Variants in FHIT observed in about 807,000 individuals in gnomAD.
The protein encoded by FHIT is bis(5'-adenosyl)-triphosphatase.
In FHIT, 19 loss-of-function variants were observed where a neutral mutation model predicts 17.9. The observed-to-expected ratio is 1.06, with a 90% CI of 0.74 to 1.56. The LOEUF (loss-of-function observed/expected upper bound fraction) is 1.56. Ranked by LOEUF, FHIT falls within the 40% of genes most tolerant of loss-of-function variation. The probability of loss-of-function intolerance (pLI) is 0.00; values close to 1 mark genes in which losing one functional copy is unlikely to be tolerated. For missense variants in FHIT, 248 were observed against 189.2 expected (o/e 1.31, Z -1.82); for synonymous variants, 81 against 69.7 (o/e 1.16, Z -0.81).
chr3:61,129,623 A>G (rs2036708514), intron 2 of FHIT, among the ~76,000 whole-genome samples: 1 of 152,186 alleles, frequency 6.6e-6, no homozygotes, highest in Non-Finnish European at 1.5e-5. Flanking sequence ...ACAAAATACA[A>G]ATTCAAAGCA....
intron 5 of FHIT, among the ~76,000 whole-genome samples, chr3:60,440,887 T>A (rs1042792708): frequency 6.6e-6 from 1 of 152,128 alleles, no homozygotes; most frequent in African/African-American, 2.4e-5. Flanking sequence ...TAAGTGATAC[T>A]TAGAATTTAA....
intron 5 of FHIT, among the ~76,000 whole-genome samples, chr3:60,453,494 A>T (rs1390440785): frequency 6.6e-6 from 1 of 152,196 alleles, no homozygotes; most frequent in African/African-American, 2.4e-5. Context: ...TAGATGTGGG[A>T]AGTCAAGGGA....
intron 3 of FHIT, among the ~76,000 whole-genome samples, chr3:60,936,839 C>G (rs2107393369): frequency 6.6e-6 from 1 of 152,054 alleles, no homozygotes; most frequent in East Asian, 1.9e-4. Context: ...TTTTTTAATA[C>G]AAAGAAAGCA....
intron 4 of FHIT, among the ~76,000 whole-genome samples, chr3:60,679,530 A>G (rs2107859112): frequency 6.6e-6 from 1 of 152,238 alleles, no homozygotes; most frequent in African/African-American, 2.4e-5. Context: ...CAATTTTCCC[A>G]TATTATTAGA....
rs1243457734 is a variant in FHIT, at chr3:60,123,965, AAAATATATATATATATATATATATATAT to A, written c.104-109841_104-109814del. Among the ~76,000 whole-genome samples, 13 of 54,570 alleles carry A rather than the reference AAAATATATATATATATATATATATATAT, an allele frequency of 2.4e-4. No individual in the cohort carries two copies. In the East Asian group the frequency reaches 5.1e-3, roughly 22 times the overall value. The allele number at this position is 54,570 out of a possible 152,430, so 35.8% of individuals were successfully genotyped here. ...CACTTCCATTAACAGAAATGCACTA[AAAATATATATATATATATATATATATAT>A]ATATATATATATATATAGAGAGAGA... On this transcript the variant is annotated intron_variant, in intron 5 of 9. Coordinates refer to ENST00000492590, the MANE Select transcript of FHIT (RefSeq NM_002012.4).
chr3:60,099,214 T>C (rs1704091344), intron 5 of FHIT, among the ~76,000 whole-genome samples: 1 of 152,188 alleles, frequency 6.6e-6, no homozygotes, highest in South Asian at 2.1e-4. Flanking sequence ...AGGCTCTCCC[T>C]TTGCTCTGTT....
chr3:61,037,162 C>T (rs1228579186), intron 3 of FHIT, among the ~76,000 whole-genome samples: 3 of 152,216 alleles, frequency 2.0e-5, no homozygotes, highest in Non-Finnish European at 2.9e-5. Context: ...CCATCCGTCT[C>T]GGTCTCCCAA....
intron 5 of FHIT, among the ~76,000 whole-genome samples, chr3:60,473,473 A>G (rs1021325173): frequency 4.6e-5 from 7 of 152,186 alleles, no homozygotes; most frequent in African/African-American, 1.7e-4. Context: ...TACAATGTGA[A>G]GAGACAACCT....
intron 1 of FHIT, among the ~76,000 whole-genome samples, chr3:61,208,106 T>G (rs969097998): frequency 6.6e-6 from 1 of 152,198 alleles, no homozygotes; most frequent in Admixed American, 6.5e-5. Flanking sequence ...TTGTTCAGTT[T>G]CCATGTAATT....
intron 4 of FHIT, among the ~76,000 whole-genome samples, chr3:60,685,733 C>A (rs1474211927): frequency 1.3e-5 from 2 of 152,140 alleles, no homozygotes; most frequent in African/African-American, 4.8e-5. Context: ...AATATGGAAA[C>A]CTCACACATG....
intron 4 of FHIT, among the ~76,000 whole-genome samples, chr3:60,724,413 G>GGCTACTATGAATAGT (rs1553708821): frequency 1.3e-4 from 19 of 151,862 alleles, no homozygotes. Context: ...TCTACTTTTT[G>GGCTACTATGAATAGT]GCTACTATGA....
At chr3:60,261,566 A>G (rs765954557) in intron 5 of FHIT, among the ~76,000 whole-genome samples, 1 of 152,082 alleles carries the variant, frequency 6.6e-6, no homozygotes, top group Non-Finnish European at 1.5e-5. Context: ...TACTAAAAAG[A>G]AACCAGCCTG....
intron 5 of FHIT, among the ~76,000 whole-genome samples, chr3:60,272,881 G>T (rs149554075): frequency 6.6e-6 from 1 of 152,304 alleles, no homozygotes; most frequent in African/African-American, 2.4e-5. Context: ...AAAAGCAAGT[G>T]ACTGGCAATG....
rs540787661 is a variant in FHIT, at chr3:60,304,220, T to G, written c.103+232640A>C. Among the ~76,000 whole-genome samples the G allele has an allele frequency of 4.6e-5, 7 of 152,256 alleles. No individual in the cohort carries two copies. The South Asian group carries it at 1.5e-3, about 32-fold the overall frequency. ...AATGCCTGTGAACACACTAGCACAT[T>G]ACATTTTTAAGTATTTCAGTCAAGG... is the stretch of plus-strand genomic sequence containing the variant. On this transcript the variant is annotated intron_variant, in intron 5 of 9. Transcript: ENST00000492590.
chr3:60,861,276 C>CATATGATATATCATATCATATA (rs1703871540), intron 3 of FHIT, among the ~76,000 whole-genome samples: 1 of 23,738 alleles, frequency 4.2e-5, no homozygotes, highest in Admixed American at 4.6e-4. Context: ...TATCATATAT[C>CATATGATATATCATATCATATA]TTTCTTTTTT....
chr3:60,185,005 T>G (rs935168034), intron 5 of FHIT, among the ~76,000 whole-genome samples: 1 of 152,178 alleles, frequency 6.6e-6, no homozygotes, highest in Non-Finnish European at 1.5e-5. Context: ...GTCTTACTTC[T>G]TGGCACTATA....
intron 3 of FHIT, among the ~76,000 whole-genome samples, chr3:60,893,006 C>T (rs533923419): frequency 7.2e-5 from 11 of 152,238 alleles, no homozygotes; most frequent in African/African-American, 2.6e-4. Context: ...TGATGGGGTT[C>T]AGAACATGCT....
intron 4 of FHIT, among the ~76,000 whole-genome samples, chr3:60,618,772 G>T (rs1447914859): frequency 1.3e-5 from 2 of 152,126 alleles, no homozygotes; most frequent in African/African-American, 2.4e-5. Flanking sequence ...TAATGCTAAG[G>T]GTCCTTAAAA....
chr3:59,797,921 A>G (rs1451186446), intron 8 of FHIT, among the ~76,000 whole-genome samples: 4 of 152,230 alleles, frequency 2.6e-5, no homozygotes, highest in Non-Finnish European at 1.5e-5. Flanking sequence ...TGAGGTATCC[A>G]TGTTCACAGG....
Sources: gnomAD v4.1 joint callset for allele counts (sites outside exome capture counted in the v4.1 genomes callset) on GRCh38, gnomAD v4.1.1 for gene constraint, MANE v1.5 for transcripts, NCBI Gene and HGNC (gene_info 2026-07-23, HGNC 2026-07-21) for gene names.